The following KCNA7 variants were observed in gnomAD, a reference collection of about 807,000 sequenced individuals.
KCNA7 encodes the protein potassium voltage-gated channel subfamily A member 7.
Under a neutral mutation model 21.5 loss-of-function variants are expected in KCNA7, and 15 were observed. The observed-to-expected ratio is 0.70, with a 90% CI of 0.47 to 1.07. The LOEUF is 1.07. Ranked by LOEUF, KCNA7 falls within the 50% of genes least tolerant of loss-of-function variation. The pLI, the probability that KCNA7 is intolerant of heterozygous loss-of-function variation, is 0.00. For missense variants in KCNA7, 640 were observed against 651.6 expected (o/e 0.98, Z 0.19); for synonymous variants, 298 against 291.0 (o/e 1.02, Z -0.24).
Position 49,072,621 on chromosome 19 carries a change from G to A in KCNA7, c.-36C>T. 1.7e-6 allele frequency: 2 copies of A among 1,150,152 alleles called. No individual in the cohort carries two copies. Among genetic ancestry groups the A allele is most frequent in the South Asian group, 8.4e-5 (2 of 23,912 alleles). 71.2% of individuals were successfully genotyped at this position (1,150,152 alleles called of 1,614,324 possible). A position where few individuals can be genotyped will look rare whatever the true frequency, so the allele number is the denominator to read the frequency against. On this transcript the variant is annotated 5_prime_UTR_variant, in exon 1 of 2. Coordinates refer to ENST00000221444, the MANE Select transcript of KCNA7 (RefSeq NM_031886.3). ...GCCCCGGCGACCCGCGAACCGACGT[G>A]TGGCCCCGACGCCCGGCCCCGGTGC...
rs1280445815 is a variant in KCNA7 at position 49,070,866 on chromosome 19, G to T, written c.568C>A (p.Leu190Met). 6.2e-7 allele frequency: 1 copy of T among 1,612,928 alleles called. No homozygotes were observed. The highest frequency in any genetic ancestry group is 2.2e-5 in the East Asian group (1 of 44,888). Residue 190 changes from leucine to methionine, a missense_variant, in exon 2 of 2, where the codon CTG becomes ATG. Physicochemically the swap from Leu to Met is conservative, Grantham distance 15. Transcript: ENST00000221444. This position sits in a 1 kb window ranked among gnomAD's most constrained non-coding sequence, Gnocchi z 4.3. ...CCAGGCATTTGGCTGGAGCCATTCA[G>T]CGGAGCGGGGAACTGCAGGGAGGAA... The part of the protein sequence containing the change: ...AAAAGPFPAP[L>M]NGSSQMPGNP...
rs2040268232 is a variant in KCNA7 at position 49,072,558 on chromosome 19, C to CGCACGGCGGCGG, written c.16_27dup (p.Pro6_Cys9dup). ...TTGAGCACCAGCCGCTCGCAGCAGC[C>CGCACGGCGGCGG]GCACGGCGGCGGGCACCGCGGCTCC... is the stretch of plus-strand genomic sequence containing the variant. On this transcript the variant is annotated inframe_insertion, in exon 1 of 2. Coordinates refer to ENST00000221444, the MANE Select transcript of KCNA7 (RefSeq NM_031886.3). 1 of 1,360,670 alleles carries CGCACGGCGGCGG rather than the reference C, an allele frequency of 7.3e-7. No homozygotes were observed. The highest frequency in any genetic ancestry group is 1.5e-5 in the African/African-American group (1 of 64,926). 84.3% of individuals were successfully genotyped at this position (1,360,670 alleles called of 1,614,324 possible). A position where few individuals can be genotyped will look rare whatever the true frequency, so the allele number is the denominator to read the frequency against.
Position 49,072,231 on chromosome 19 carries a change from G to A in KCNA7, c.355C>T (p.Pro119Ser), listed in dbSNP as rs1281630832. The change falls in exon 1 of 2, where the codon CCC (proline) becomes TCC (serine). Residue 119 changes from proline (P) to serine (S), a missense_variant. Coordinates refer to ENST00000221444, the MANE Select transcript of KCNA7 (RefSeq NM_031886.3). ...CGGGCGAAGGCGCGGCGGGGCAGGGGGCGCTCGGGCGGCACCGGGCAGCCC... is the reference window on the plus strand; with the variant it reads ...CGGGCGAAGGCGCGGCGGGGCAGGGAGCGCTCGGGCGGCACCGGGCAGCCC... ...DEGCPVPPER[P>S]LPRRAFARQL... 2.5e-6 allele frequency: 4 copies of A among 1,595,180 alleles called. No individual in the cohort carries two copies. The South Asian group carries it at 4.5e-5, about 18-fold the overall frequency.
In KCNA7 at chr19:49,072,276, C is replaced by G. The variant is rs771795420; in HGVS notation, c.310G>C (p.Ala104Pro). The G allele has an allele frequency of 1.3e-6, 2 of 1,580,118 alleles. No homozygotes were observed. Among genetic ancestry groups the G allele is most frequent in the East Asian group, 2.4e-5 (1 of 42,308 alleles). The change falls in exon 1 of 2, where the codon GCA becomes CCA. Residue 104 changes from alanine to proline, a missense_variant. Transcript: ENST00000221444. ...CAGCCCTCGTCCTCGCGCAGGCGTG[C>G]CAGGGCCGCCGCGCCCAGCCCGTAG... is the stretch of plus-strand genomic sequence containing the variant. ...AFYGLGAAAL[A>P]RLREDEGCPV... is the part of the protein sequence containing the mutation.
In KCNA7 at chr19:49,070,752, G is replaced by A; in HGVS notation, c.682C>T (p.Leu228Phe). 6.2e-7 allele frequency: 1 copy of A among 1,614,184 alleles called. No homozygotes were observed. Among genetic ancestry groups the A allele is most frequent in the Non-Finnish European group, 8.5e-7 (1 of 1,180,044 alleles). The change falls in exon 2 of 2, where the codon CTC becomes TTC. Residue 228 changes from leucine (L) to phenylalanine (F), a missense_variant. Physicochemically the swap from Leu to Phe is conservative, Grantham distance 22 (BLOSUM62 0). Transcript: ENST00000221444. This position sits in a 1 kb window ranked among gnomAD's most constrained non-coding sequence, Gnocchi z 4.3. ...ATAGCCTTGCTTGGACAGACCAGGAGGCGTACCAGCAGCTCAAAGGAGAAC... is the reference window on the plus strand; with the variant it reads ...ATAGCCTTGCTTGGACAGACCAGGAAGCGTACCAGCAGCTCAAAGGAGAAC... Reference protein sequence around the residue: ...CWFSFELLVRLLVCPSKAIFF... With the variant: ...CWFSFELLVRFLVCPSKAIFF...
At chr19:49,071,119 G>C (rs2040254967) in intron 1 of KCNA7, among the ~76,000 whole-genome samples, 1 of 152,040 alleles carries the variant, frequency 6.6e-6, no homozygotes, top group Non-Finnish European at 1.5e-5. Flanking sequence ...GCCCCTTCAT[G>C]CGTGGGAACT....
Position 49,068,217 on chromosome 19 carries a change from T to C in KCNA7, c.*1846A>G, listed in dbSNP as rs2040231922. 6.6e-6 allele frequency: 1 copy of C among 152,012 alleles called. No individual in the cohort carries two copies. The highest frequency in any genetic ancestry group is 2.4e-5 in the African/African-American group (1 of 41,328). The allele number at this position is 152,012 out of a possible 1,614,324, so 9.4% of individuals were successfully genotyped here. A position where few individuals can be genotyped will look rare whatever the true frequency, so the allele number is the denominator to read the frequency against. On this transcript the variant is annotated 3_prime_UTR_variant, in exon 2 of 2. Coordinates refer to ENST00000221444, the MANE Select transcript of KCNA7 (RefSeq NM_031886.3). Reference sequence around the variant, plus strand: ...GCCCGGCCTTTTCTGCCTTTTTCTATTGTGGTTCTCTTTCCCTGAGACTCT... The same window carrying C: ...GCCCGGCCTTTTCTGCCTTTTTCTACTGTGGTTCTCTTTCCCTGAGACTCT...
chr19:49,069,852 C>A lies in KCNA7; in HGVS notation c.*211G>T. ...TTGAGTCTTCATTAACACAACACAA[C>A]CCATTGCCATTCGCTGCTGCTTCAG... is the stretch of plus-strand genomic sequence containing the variant. On this transcript the variant is annotated 3_prime_UTR_variant, in exon 2 of 2. Transcript: ENST00000221444. 1 of 576,430 alleles carries A rather than the reference C, an allele frequency of 1.7e-6. No homozygotes were observed. The highest frequency in any genetic ancestry group is 3.1e-6 in the Non-Finnish European group (1 of 324,328). The allele number at this position is 576,430 out of a possible 1,614,324, so 35.7% of individuals were successfully genotyped here.
In KCNA7 at chr19:49,068,733, C is replaced by A. The variant is rs2122250262; in HGVS notation, c.*1330G>T. 6.6e-6 allele frequency: 1 copy of A among 152,658 alleles called. No homozygotes were observed. Among genetic ancestry groups the A allele is most frequent in the South Asian group, 2.1e-4 (1 of 4,830 alleles). 9.5% of individuals were successfully genotyped at this position (152,658 alleles called of 1,614,324 possible). A position where few individuals can be genotyped will look rare whatever the true frequency, so the allele number is the denominator to read the frequency against. On this transcript the variant is annotated 3_prime_UTR_variant, in exon 2 of 2. Transcript: ENST00000221444. ...CCTCTCCCTGAGTCTCTGTTTCTCTCCCTTTGGGTCTCTGTCTCTCTGGGT... is the reference window on the plus strand; with the variant it reads ...CCTCTCCCTGAGTCTCTGTTTCTCTACCTTTGGGTCTCTGTCTCTCTGGGT...
chr19:49,071,970 T>A (rs1460254939), intron 1 of KCNA7, 61 bp downstream of exon 1: 1 of 1,198,252 alleles, frequency 8.3e-7, no homozygotes, highest in Admixed American at 2.8e-5. Flanking sequence ...CCAGGTCCCC[T>A]CTGGACCCCG....
chr19:49,072,529 C>G lies in KCNA7; in HGVS notation c.57G>C (p.Val19=), dbSNP rs769048269. The change falls in exon 1 of 2, where the codon GTG becomes GTC. Residue 19 remains valine, a synonymous_variant. Transcript: ENST00000221444. ...CCCGCGTCTCGAAGCGCAGCCCGGC[C>G]ACGTTGAGCACCAGCCGCTCGCAGC... The part of the protein sequence containing the change: ...CGCCERLVLN[V]AGLRFETRAR... The G allele has an allele frequency of 2.1e-6, 3 of 1,444,656 alleles. No homozygotes were observed. Among genetic ancestry groups the G allele is most frequent in the South Asian group, 2.7e-5 (2 of 73,386 alleles). The allele number at this position is 1,444,656 out of a possible 1,614,324, so 89.5% of individuals were successfully genotyped here. A position where few individuals can be genotyped will look rare whatever the true frequency, so the allele number is the denominator to read the frequency against.
chr19:49,071,927 C>T (rs942785399), intron 1 of KCNA7, 104 bp downstream of exon 1: 14 of 1,154,900 alleles, frequency 1.2e-5, no homozygotes, highest in Non-Finnish European at 1.7e-5. Flanking sequence ...GCTGGCCCAC[C>T]CCTCGCAGCC....
chr19:49,070,929 G>T lies in KCNA7; in HGVS notation c.556-51C>A. ...GGGTCAGGCTGGGGCTAGGACACGG[G>T]GACAGCCTTAATCATCATTTAAATA... On this transcript the variant is annotated intron_variant, in intron 1 of 1. Coordinates refer to ENST00000221444, the MANE Select transcript of KCNA7 (RefSeq NM_031886.3). The surrounding 1 kb of genome is among the most constrained non-coding windows in gnomAD (Gnocchi z 4.3). 4 of 1,466,036 alleles carry T rather than the reference G, an allele frequency of 2.7e-6. No individual in the cohort carries two copies. Among genetic ancestry groups the T allele is most frequent in the Non-Finnish European group, 3.7e-6 (4 of 1,074,596 alleles). The allele number at this position is 1,466,036 out of a possible 1,614,324, so 90.8% of individuals were successfully genotyped here.
At position 49,072,547 on chromosome 19, in the gene KCNA7, C is replaced by T. The variant is rs2040268125; in HGVS notation, c.39G>A (p.Glu13=). The T allele has an allele frequency of 3.6e-6, 5 of 1,399,030 alleles. No individual in the cohort carries two copies. The African/African-American group carries it at 4.6e-5, about 13-fold the overall frequency. The allele number at this position is 1,399,030 out of a possible 1,614,324, so 86.7% of individuals were successfully genotyped here. Residue 13 remains glutamate, a synonymous_variant, in exon 1 of 2, where the codon GAG becomes GAA. Coordinates refer to ENST00000221444, the MANE Select transcript of KCNA7 (RefSeq NM_031886.3). The part of the protein sequence containing the change: ...PRCPPPCGCC[E]RLVLNVAGLR... The stretch of plus-strand genomic sequence containing the variant: ...GCCCGGCCACGTTGAGCACCAGCCG[C>T]TCGCAGCAGCCGCACGGCGGCGGGC...
rs146540803 is a variant in KCNA7 at position 49,070,505 on chromosome 19, C to T, written c.929G>A (p.Arg310His). The change falls in exon 2 of 2, where the codon CGT (arginine) becomes CAT (histidine). Residue 310 changes from arginine (R) to histidine (H), a missense_variant. Transcript: ENST00000221444. This position sits in a 1 kb window ranked among gnomAD's most constrained non-coding sequence, Gnocchi z 4.3. ...GAAAAAGATGAGGAGGCCCAGCTCA[C>T]GCATGGAGGCCCGAAGCGTCTGGCC... ...ILGQTLRASM[R>H]ELGLLIFFLF... is the part of the protein sequence containing the mutation. 3.2e-5 allele frequency: 52 copies of T among 1,614,036 alleles called. No individual in the cohort carries two copies. Among genetic ancestry groups the T allele is most frequent in the Middle Eastern group, 1.6e-4 (1 of 6,084 alleles).
intron 1 of KCNA7, 130 bp downstream of exon 1, chr19:49,071,901 G>A: frequency 4.0e-6 from 1 of 250,506 alleles, no homozygotes; most frequent in Non-Finnish European, 7.0e-6. Flanking sequence ...CCCGCCTCCC[G>A]CCCACCCTGT....
At position 49,072,289 on chromosome 19, in the gene KCNA7, G is replaced by T; in HGVS notation, c.297C>A (p.Gly99=). 1 of 1,581,822 alleles carries T rather than the reference G, an allele frequency of 6.3e-7. No individual in the cohort carries two copies. Among genetic ancestry groups the T allele is most frequent in the East Asian group, 2.4e-5 (1 of 42,128 alleles). Residue 99 remains glycine (G), a synonymous_variant, in exon 1 of 2, where the codon GGC becomes GGA. Transcript: ENST00000221444. ...FLEEVAFYGL[G]AAALARLRED... The stretch of plus-strand genomic sequence containing the variant: ...CGCGCAGGCGTGCCAGGGCCGCCGC[G>T]CCCAGCCCGTAGAAGGCCACCTCTT...
At position 49,069,145 on chromosome 19, in the gene KCNA7, C is replaced by T. The variant is rs2040238701; in HGVS notation, c.*918G>A. On this transcript the variant is annotated 3_prime_UTR_variant, in exon 2 of 2. Transcript: ENST00000221444. Reference sequence around the variant, plus strand: ...TTTCCTTTGGGTCCTGGTGCTACCACTAAATGCAAAACAGCCCGATGTGGC... The same window carrying T: ...TTTCCTTTGGGTCCTGGTGCTACCATTAAATGCAAAACAGCCCGATGTGGC... 1 of 152,328 alleles carries T rather than the reference C, an allele frequency of 6.6e-6. No individual in the cohort carries two copies. The highest frequency in any genetic ancestry group is 1.5e-5 in the Non-Finnish European group (1 of 68,104). The allele number at this position is 152,328 out of a possible 1,614,324, so 9.4% of individuals were successfully genotyped here.
In KCNA7 at chr19:49,072,466, C is replaced by A. The variant is rs1415452535; in HGVS notation, c.120G>T (p.Gly40=). The A allele has an allele frequency of 6.4e-7, 1 of 1,564,344 alleles. No homozygotes were observed. Among genetic ancestry groups the A allele is most frequent in the South Asian group, 1.1e-5 (1 of 87,294 alleles). The change falls in exon 1 of 2, where the codon GGG becomes GGT. Residue 40 remains glycine, a synonymous_variant. Coordinates refer to ENST00000221444, the MANE Select transcript of KCNA7 (RefSeq NM_031886.3). ...TLGRFPDTLL[G]DPARRGRFYD... is the part of the protein sequence containing the mutation. ...AGAAGCGGCCGCGGCGCGCTGGGTC[C>A]CCTAGCAGAGTGTCCGGGAAGCGGC...
Sources: gnomAD v4.1 joint callset for allele counts (sites outside exome capture counted in the v4.1 genomes callset) on GRCh38, gnomAD v4.1.1 for gene constraint, Gnocchi (gnomAD v3.1) non-coding constraint, MANE v1.5 for transcripts, NCBI Gene and HGNC (gene_info 2026-07-23, HGNC 2026-07-21) for gene names.